CLEC2A: variants seen among roughly 807,000 people sequenced by gnomAD.
CLEC2A encodes C-type lectin domain family 2 member A.
Under a neutral mutation model 18.6 loss-of-function variants are expected in CLEC2A, and 19 were observed. The ratio of observed to expected loss-of-function variants is 1.02; its 90% CI spans 0.71 to 1.50. The LOEUF is 1.50. Ranked by LOEUF, CLEC2A falls within the 40% of genes most tolerant of loss-of-function variation. The pLI is 0.00. For synonymous variants in CLEC2A, 74 were observed against 64.0 expected (o/e 1.16, Z -0.75); for missense variants, 190 against 207.9 (o/e 0.91, Z 0.53).
In CLEC2A at chr12:9,922,165, A is replaced by G. The variant is rs1863184228; in HGVS notation, c.207T>C (p.Cys69=). The G allele has an allele frequency of 6.4e-7, 1 of 1,551,258 alleles. No homozygotes were observed. The highest frequency in any genetic ancestry group is 1.4e-5 in the African/African-American group (1 of 73,042). The change falls in exon 3 of 5, where the codon TGT becomes TGC. Residue 69 remains cysteine (C), a synonymous_variant. Transcript: ENST00000455827. The part of the protein sequence containing the change: ...SGDWLGVRDK[C]FYFSDDTRNW... Reference sequence around the variant, plus strand: ...TTCTGGTATCATCAGAAAAATAGAAACACTTATCTCTCACTCCAAGCCAGT... The same window carrying G: ...TTCTGGTATCATCAGAAAAATAGAAGCACTTATCTCTCACTCCAAGCCAGT...
intron 2 of CLEC2A, among the ~76,000 whole-genome samples, chr12:9,924,140 A>C: frequency 6.6e-6 from 1 of 152,048 alleles, no homozygotes; most frequent in East Asian, 1.9e-4. Context: ...AAAAAAGAAA[A>C]AATAATAATC....
At chr12:9,893,067 T>C in the CLEC2A span, 4 of 1,535,716 alleles carry the variant, frequency 2.6e-6, no homozygotes, top group Non-Finnish European at 3.5e-6. Context: ...CGAAGGGAAA[T>C]GTTACTGGTT....
chr12:9,881,796 G>A, the CLEC2A span: 4 of 714,684 alleles, frequency 5.6e-6, no homozygotes, highest in Non-Finnish European at 9.0e-6. Flanking sequence ...TAAATTGTCT[G>A]TTAGATTATT....
At chr12:9,909,143 A>G (rs964844594), downstream of CLEC2A, among the ~76,000 whole-genome samples, 1 of 151,996 alleles carries the variant, frequency 6.6e-6, no homozygotes, top group African/African-American at 2.4e-5. Flanking sequence ...TTATTTTTTC[A>G]TTTGCTCCTT....
downstream of CLEC2A, among the ~76,000 whole-genome samples, chr12:9,895,436 G>A (rs750211684): frequency 5.3e-5 from 8 of 152,188 alleles, no homozygotes; most frequent in Non-Finnish European, 7.4e-5. Context: ...TCTTGCAGGC[G>A]TAGATAATGA....
downstream of CLEC2A, among the ~76,000 whole-genome samples, chr12:9,895,305 G>A (rs1044315425): frequency 2.6e-5 from 4 of 152,186 alleles, no homozygotes; most frequent in African/African-American, 7.2e-5. Flanking sequence ...CTGAAATTAT[G>A]GAGGTCAGTT....
At chr12:9,894,318 C>T (rs1862728930), downstream of CLEC2A, among the ~76,000 whole-genome samples, 1 of 151,766 alleles carries the variant, frequency 6.6e-6, no homozygotes, top group African/African-American at 2.4e-5. Context: ...GTAGCTAGGA[C>T]TACAGGTGTG....
chr12:9,927,116 G>A (rs1040059342), intron 1 of CLEC2A, among the ~76,000 whole-genome samples: 5 of 152,206 alleles, frequency 3.3e-5, no homozygotes, highest in Admixed American at 2.6e-4. Context: ...AGGTGATTGT[G>A]TCATTGTTGG....
At chr12:9,896,746 C>G (rs528852288), downstream of CLEC2A, among the ~76,000 whole-genome samples, 1 of 152,110 alleles carries the variant, frequency 6.6e-6, no homozygotes, top group African/African-American at 2.4e-5. Context: ...GAGATGCCAT[C>G]ACCACAGCTA....
chr12:9,889,488 A>G, the CLEC2A span, among the ~76,000 whole-genome samples: 1 of 152,170 alleles, frequency 6.6e-6, no homozygotes, highest in Non-Finnish European at 1.5e-5. Flanking sequence ...CCCCAAAGGA[A>G]GAGGAATTTT....
intron 4 of CLEC2A, among the ~76,000 whole-genome samples, chr12:9,904,173 T>G (rs1862873957): frequency 1.3e-5 from 2 of 152,188 alleles, no homozygotes; most frequent in Non-Finnish European, 2.9e-5. Flanking sequence ...AAGGTAAAAC[T>G]GGCATCAGGA....
the CLEC2A span, chr12:9,884,805 G>A: frequency 0.8 from 298,497 of 374,102 alleles, 119,349 homozygotes; most frequent in South Asian, 0.85. Context: ...TTTATTTTTA[G>A]ATTTTCATTT....
the CLEC2A span, among the ~76,000 whole-genome samples, chr12:9,890,441 T>C: frequency 6.6e-6 from 1 of 152,130 alleles, no homozygotes; most frequent in Non-Finnish European, 1.5e-5. Context: ...TTGGCACAAT[T>C]ATTTGTGGTT....
At chr12:9,905,578 A>C (rs181584644) in intron 4 of CLEC2A, among the ~76,000 whole-genome samples, 1 of 152,340 alleles carries the variant, frequency 6.6e-6, no homozygotes, top group Admixed American at 6.5e-5. Context: ...TTTCATAACA[A>C]GGCAATGGGG....
At chr12:9,923,754 A>G (rs1863214285) in intron 2 of CLEC2A, among the ~76,000 whole-genome samples, 1 of 152,176 alleles carries the variant, frequency 6.6e-6, no homozygotes, top group Admixed American at 6.5e-5. Context: ...AGCCTTAAAA[A>G]AGGATGAGTT....
chr12:9,920,755 G>C (rs915140037), intron 3 of CLEC2A, among the ~76,000 whole-genome samples: 13 of 152,156 alleles, frequency 8.5e-5, no homozygotes, highest in African/African-American at 3.1e-4. Flanking sequence ...TTCTTACTCT[G>C]TGTCCCTAGA....
downstream of CLEC2A, among the ~76,000 whole-genome samples, chr12:9,908,703 G>C (rs1323550024): frequency 1.3e-5 from 2 of 152,152 alleles, no homozygotes; most frequent in African/African-American, 4.8e-5. Flanking sequence ...CTCTTAAAGA[G>C]ACCTGTTCTT....
the CLEC2A span, chr12:9,881,355 A>C: frequency 2.4e-6 from 1 of 414,906 alleles, no homozygotes. Flanking sequence ...CACACTAGCT[A>C]CCTTTACCTT....
intron 1 of CLEC2A, among the ~76,000 whole-genome samples, chr12:9,928,406 C>T (rs568242905): frequency 6.6e-6 from 1 of 152,064 alleles, no homozygotes; most frequent in Non-Finnish European, 1.5e-5. Context: ...GCGGAGGCTG[C>T]AGTGATCAGA....
Sources: allele counts gnomAD v4.1 joint callset (sites outside exome capture counted in the v4.1 genomes callset), GRCh38; gene constraint gnomAD v4.1.1; transcripts MANE v1.5; gene names NCBI Gene and HGNC (gene_info 2026-07-23, HGNC 2026-07-21).